CORO7: variants seen among roughly 807,000 people sequenced by gnomAD.
CORO7 encodes the protein coronin-7.
A neutral mutation model predicts 126.6 loss-of-function variants in CORO7; 107 were observed. The observed-to-expected ratio is 0.85, with a 90% CI of 0.72 to 0.99. The LOEUF is 0.99. CORO7 is among the 50% of genes least tolerant of loss of function. The pLI is 0.00. For synonymous variants in CORO7, 603 were observed against 536.8 expected, an observed-to-expected ratio of 1.12 and a Z score of -1.70; for missense variants, 1,314 against 1,255.8, an observed-to-expected ratio of 1.05 and a Z score of -0.70.
chr16:4,384,604 C>T (rs1162868787), intron 9 of CORO7, among the ~76,000 whole-genome samples: 1 of 152,210 alleles, frequency 6.6e-6, no homozygotes, highest in Non-Finnish European at 1.5e-5. Context: ...GGCCCCGTGG[C>T]GCGGGTGTTG....
chr16:4,360,199 T>C, intron 21 of CORO7, 79 bp downstream of exon 21: 2 of 1,588,914 alleles, frequency 1.3e-6, no homozygotes, highest in Non-Finnish European at 1.7e-6. Context: ...TCTGAAAGCC[T>C]GACAAATGTA....
intron 7 of CORO7, among the ~76,000 whole-genome samples, chr16:4,390,822 A>G (rs896582903): frequency 6.6e-5 from 10 of 152,194 alleles, no homozygotes; most frequent in Non-Finnish European, 1.5e-4. Flanking sequence ...CAGAGTGGTG[A>G]TGAGGCTTGC....
At chr16:4,368,557 G>A (rs1383813205) in intron 9 of CORO7, among the ~76,000 whole-genome samples, 1 of 151,898 alleles carries the variant, frequency 6.6e-6, no homozygotes, top group Non-Finnish European at 1.5e-5. Flanking sequence ...AGACCAGCCT[G>A]GCCAACATGG....
intron 9 of CORO7, among the ~76,000 whole-genome samples, chr16:4,384,850 C>T (rs1358096614): frequency 6.6e-6 from 1 of 152,206 alleles, no homozygotes; most frequent in African/African-American, 2.4e-5. Context: ...CCTCCCCCGG[C>T]CCGTGGCTGC....
chr16:4,362,713 G>T lies in CORO7; in HGVS notation c.1301C>A (p.Ser434Ter). The T allele has an allele frequency of 6.9e-7, 1 of 1,445,234 alleles. No homozygotes were observed. Among genetic ancestry groups the T allele is most frequent in the Non-Finnish European group, 9.1e-7 (1 of 1,094,558 alleles). 89.5% of individuals were successfully genotyped at this position (1,445,234 alleles called of 1,614,324 possible). A position where few individuals can be genotyped will look rare whatever the true frequency, so the allele number is the denominator to read the frequency against. Reference sequence around the variant, plus strand: ...GGAGGGCGTGGAGGGCGAGGTCAGCGAACTGGGAGGGGAAGAGAAACCCTC... The same window carrying T: ...GGAGGGCGTGGAGGGCGAGGTCAGCTAACTGGGAGGGGAAGAGAAACCCTC... ...ASEGFSSPPSSLTSPSTPSSL... is the reference protein window; with the variant it reads ...ASEGFSSPPS Residue 434 changes from serine (S) to a stop codon, truncating the protein, a stop_gained, in exon 15 of 28, where the codon TCG becomes TAG. Coordinates refer to ENST00000251166, the MANE Select transcript of CORO7 (RefSeq NM_024535.5). LOFTEE classifies it high-confidence loss of function. The surrounding 1 kb of genome is among the most constrained non-coding windows in gnomAD (Gnocchi z 5.3).
chr16:4,363,031 G>C (rs990976271), intron 14 of CORO7: 6 of 328,386 alleles, frequency 1.8e-5, no homozygotes, highest in Non-Finnish European at 2.7e-5. Context: ...CAGAAATCTA[G>C]ATCTGTATGA....
At chr16:4,383,935 G>A (rs765740338) in intron 9 of CORO7, among the ~76,000 whole-genome samples, 4 of 152,178 alleles carry the variant, frequency 2.6e-5, no homozygotes, top group Admixed American at 6.5e-5. Context: ...GGATGGTCCC[G>A]GGAGCAAGTG....
intron 5 of CORO7, 42 bp from the exon 6 acceptor site, chr16:4,405,609 C>G (rs1291264997): frequency 1.3e-6 from 2 of 1,599,614 alleles, no homozygotes; most frequent in African/African-American, 2.7e-5. Flanking sequence ...GCAGTGAGGG[C>G]ACCAGGGAAG....
intron 3 of CORO7, among the ~76,000 whole-genome samples, chr16:4,410,908 G>A (rs555897898): frequency 3.9e-5 from 6 of 152,340 alleles, no homozygotes; most frequent in African/African-American, 1.4e-4. Flanking sequence ...CAGCCAGCTG[G>A]ATCTGGCCGT....
At chr16:4,361,564 C>G in intron 16 of CORO7, 95 bp from the exon 17 acceptor site, 1 of 1,415,288 alleles carries the variant, frequency 7.1e-7, no homozygotes, top group Non-Finnish European at 9.7e-7. Context: ...GGGAGCCCAC[C>G]CTCTGCAGCA....
At chr16:4,360,576 A>G in intron 19 of CORO7, 28 bp from the exon 20 acceptor site, 1 of 1,567,744 alleles carries the variant, frequency 6.4e-7, no homozygotes, top group East Asian at 2.4e-5. Context: ...TATGAGAGAC[A>G]GCCTTGCTTC....
chr16:4,392,425 A>C (rs1345519452), intron 7 of CORO7, among the ~76,000 whole-genome samples: 1 of 152,194 alleles, frequency 6.6e-6, no homozygotes, highest in African/African-American at 2.4e-5. Context: ...AGGGTCATAC[A>C]TGCAGTATAA....
At chr16:4,374,342 C>A (rs1250900377) in intron 9 of CORO7, among the ~76,000 whole-genome samples, 1 of 152,124 alleles carries the variant, frequency 6.6e-6, no homozygotes, top group African/African-American at 2.4e-5. Context: ...TCATTCCAGC[C>A]TCCCTGGGTG....
chr16:4,413,184 G>T, intron 2 of CORO7, 124 bp downstream of exon 2: 1 of 989,786 alleles, frequency 1.0e-6, no homozygotes, highest in South Asian at 1.7e-5. Flanking sequence ...TCACCTCTGA[G>T]CCCCCCAAAG....
At chr16:4,406,808 T>A (rs1490702918) in intron 5 of CORO7, among the ~76,000 whole-genome samples, 2 of 151,134 alleles carry the variant, frequency 1.3e-5, no homozygotes, top group South Asian at 4.2e-4. Flanking sequence ...CCCAGCTAAG[T>A]TTTTGTATTT....
intron 25 of CORO7, 157 bp from the exon 26 acceptor site, chr16:4,357,416 G>T: frequency 1.3e-6 from 1 of 774,904 alleles, no homozygotes; most frequent in Non-Finnish European, 1.9e-6. Flanking sequence ...GGAGTGCAAT[G>T]ATGTGACCTA....
intron 8 of CORO7, 83 bp downstream of exon 8, chr16:4,388,462 C>T: frequency 6.8e-7 from 1 of 1,473,570 alleles, no homozygotes; most frequent in Non-Finnish European, 9.3e-7. Flanking sequence ...AGTCCCCCGC[C>T]TCCCATTGGT....
intron 1 of CORO7, chr16:4,415,629 C>G (rs1295143115): frequency 1.2e-6 from 1 of 808,570 alleles, no homozygotes; most frequent in Non-Finnish European, 1.5e-6. Flanking sequence ...TCTACCCAGA[C>G]TGCCCTGACT....
Position 4,364,379 on chromosome 16 carries a change from G to A in CORO7, c.1172C>T (p.Pro391Leu). The A allele has an allele frequency of 6.6e-7, 1 of 1,515,960 alleles. No individual in the cohort carries two copies. Among genetic ancestry groups the A allele is most frequent in the Admixed American group, 2.2e-5 (1 of 44,744 alleles). 93.9% of individuals were successfully genotyped at this position (1,515,960 alleles called of 1,614,324 possible). A position where few individuals can be genotyped will look rare whatever the true frequency, so the allele number is the denominator to read the frequency against. ...CAGACAGGAAGTGAAGCTCGGGTGG[G>A]GCCGGCAGGCGGGGTTGAGGCTGAC... The part of the protein sequence containing the change: ...QKVSLNPACR[P>L]HPSFTSCLVP... Residue 391 changes from proline to leucine, a missense_variant, in exon 14 of 28, where the codon CCC becomes CTC. By Grantham distance (98) the Pro-to-Leu change is moderately conservative. Transcript: ENST00000251166.
Sources: allele counts gnomAD v4.1 joint callset (sites outside exome capture counted in the v4.1 genomes callset), GRCh38; gene constraint gnomAD v4.1.1; non-coding constraint Gnocchi (gnomAD v3.1); transcripts MANE v1.5; gene names NCBI Gene and HGNC (gene_info 2026-07-23, HGNC 2026-07-21).